Variants in CECR2 observed in about 807,000 individuals in gnomAD.
The protein encoded by CECR2 is chromatin remodeling regulator CECR2.
CECR2 carries 30 observed loss-of-function variants against 154.5 expected under a neutral mutation model. That is an observed-to-expected ratio of 0.19 (90% CI 0.15 to 0.26). CECR2 has a LOEUF of 0.26. Ranked by LOEUF, CECR2 falls within the 10% of genes least tolerant of loss-of-function variation. CECR2 has a pLI of 1.00. For missense variants in CECR2, 1,743 were observed against 1,829.3 expected (o/e 0.95, Z 0.86); for synonymous variants, 725 against 683.7 (o/e 1.06, Z -0.94).
rs559877166 is a variant in CECR2 at position 17,501,216 on chromosome 22, A to G, written c.650+481A>G. Among the ~76,000 whole-genome samples, 3 of 152,310 alleles carry G rather than the reference A, an allele frequency of 2.0e-5. No individual in the cohort carries two copies. The East Asian group carries it at 5.8e-4, about 29-fold the overall frequency. Reference sequence around the variant, plus strand: ...TGAGGCTGTATTCTTAAAAATTCTGATAACTCAGGACAAGTGGCTTCTTCC... The same window carrying G: ...TGAGGCTGTATTCTTAAAAATTCTGGTAACTCAGGACAAGTGGCTTCTTCC... On this transcript the variant is annotated intron_variant, in intron 5 of 18. Transcript: ENST00000262608.
At chr22:17,552,206 C>T (rs754288530) in intron 18 of CECR2, 64 bp downstream of exon 18, 6 of 1,418,758 alleles carry the variant, frequency 4.2e-6, no homozygotes, top group Non-Finnish European at 6.0e-6. Flanking sequence ...AAGTATATGA[C>T]AACCTTGCTG....
intron 7 of CECR2, among the ~76,000 whole-genome samples, chr22:17,510,897 A>ATGTG (rs1601487929): frequency 4.6e-5 from 7 of 151,992 alleles, no homozygotes; most frequent in African/African-American, 1.7e-4. Flanking sequence ...GAGCCACCCC[A>ATGTG]CCCAGCCCGA....
Position 17,540,819 on chromosome 22 carries a change from A to G in CECR2, c.1884+19A>G, listed in dbSNP as rs1387051610. 1.3e-6 allele frequency: 2 copies of G among 1,514,402 alleles called. No homozygotes were observed. The highest frequency in any genetic ancestry group is 4.6e-5 in the East Asian group (2 of 43,394). 93.8% of individuals were successfully genotyped at this position (1,514,402 alleles called of 1,614,324 possible). On this transcript the variant is annotated intron_variant, in intron 14 of 18. Coordinates refer to ENST00000262608, the MANE Select transcript of CECR2 (RefSeq NM_001290047.2). ...CCAGATGGTAAGGAATAGAGTGGAG[A>G]CTGTTGCGGTTTCTCCTAGTTTGTG...
intron 1 of CECR2, among the ~76,000 whole-genome samples, chr22:17,375,381 C>T (rs1382158949): frequency 1.3e-5 from 2 of 152,080 alleles, no homozygotes; most frequent in Non-Finnish European, 2.9e-5. Flanking sequence ...TCCCAAAGTG[C>T]TGGGATTACA....
At chr22:17,510,475 A>G (rs1303002070) in intron 7 of CECR2, among the ~76,000 whole-genome samples, 1 of 152,164 alleles carries the variant, frequency 6.6e-6, no homozygotes, top group African/African-American at 2.4e-5. Flanking sequence ...ATGAAAAAAA[A>G]AAAGAGCTTA....
In CECR2 at chr22:17,405,419, AATAAG is replaced by A. The variant is rs576598412; in HGVS notation, c.126+35525_126+35529del. ...GAGAGCGAAACTCCGTCTCAAATAA[AATAAG>A]ATAAGATAAGATAAAATAAGATAAA... On this transcript the variant is annotated intron_variant, in intron 1 of 18. Transcript: ENST00000262608. Among the ~76,000 whole-genome samples the A allele has an allele frequency of 9.6e-4, 145 of 151,494 alleles. 1 individual carries two copies. Among genetic ancestry groups the A allele is most frequent in the South Asian group, 3.1e-3 (15 of 4,814 alleles).
intron 1 of CECR2, among the ~76,000 whole-genome samples, chr22:17,428,826 G>GTGTGTGTGTGTGTGTGTATA (rs369291932): frequency 1.3e-4 from 20 of 150,592 alleles, no homozygotes; most frequent in Admixed American, 6.0e-4. Context: ...GTGTGTGTGT[G>GTGTGTGTGTGTGTGTGTATA]TATATAAAGG....
intron 3 of CECR2, among the ~76,000 whole-genome samples, chr22:17,499,207 T>C (rs1221377377): frequency 2.0e-5 from 3 of 152,112 alleles, no homozygotes; most frequent in African/African-American, 4.8e-5. Flanking sequence ...GCCAGGCTGG[T>C]CTTGAACTCC....
intron 2 of CECR2, among the ~76,000 whole-genome samples, chr22:17,490,167 G>A (rs1327591271): frequency 1.3e-5 from 2 of 151,350 alleles, no homozygotes; most frequent in Non-Finnish European, 2.9e-5. Flanking sequence ...GTGTGTGTGT[G>A]TTTGGTCTAT....
intron 16 of CECR2, among the ~76,000 whole-genome samples, chr22:17,544,809 CAAAAAAAAAAAAA>C (rs67994839): frequency 1.8e-4 from 8 of 45,620 alleles, no homozygotes; most frequent in African/African-American, 2.6e-4. Flanking sequence ...GACTCTGTCT[CAAAAAAAAAAAAA>C]AAAAAAAAAA....
intron 8 of CECR2, among the ~76,000 whole-genome samples, chr22:17,523,247 G>A (rs550691095): frequency 6.6e-6 from 1 of 152,048 alleles, no homozygotes; most frequent in South Asian, 2.1e-4. Context: ...GCTGGGCGTG[G>A]TCGCAGGTAC....
Position 17,548,835 on chromosome 22 carries a change from G to A in CECR2, c.3548G>A (p.Arg1183Lys), listed in dbSNP as rs2056657995. The A allele has an allele frequency of 6.2e-7, 1 of 1,613,526 alleles. No individual in the cohort carries two copies. The highest frequency in any genetic ancestry group is 1.7e-5 in the Admixed American group (1 of 59,962). ...CGGTATCGCCCCCCACAAGGAATGAGGTATTCCTACCACCCACCGCCACAG... is the reference window on the plus strand; with the variant it reads ...CGGTATCGCCCCCCACAAGGAATGAAGTATTCCTACCACCCACCGCCACAG... ...FPRYRPPQGM[R>K]YSYHPPPQPS... The change falls in exon 17 of 19, where the codon AGG (arginine) becomes AAG (lysine). Residue 1183 changes from arginine to lysine, a missense_variant. Physicochemically the swap from Arg to Lys is conservative, Grantham distance 26. Transcript: ENST00000262608.
At position 17,548,545 on chromosome 22, in the gene CECR2, G is replaced by A. The variant is rs781677482; in HGVS notation, c.3258G>A (p.Thr1086=). 30 of 1,613,660 alleles carry A rather than the reference G, an allele frequency of 1.9e-5. No individual in the cohort carries two copies. The highest frequency in any genetic ancestry group is 1.6e-4 in the South Asian group (15 of 91,042). ...SEKLLCPRGR[T]LQETMPCTGQ... is the part of the protein sequence containing the mutation. Reference sequence around the variant, plus strand: ...AGCTGCTCTGCCCCAGAGGCAGAACGTTGCAGGAAACCATGCCATGCACGG... The same window carrying A: ...AGCTGCTCTGCCCCAGAGGCAGAACATTGCAGGAAACCATGCCATGCACGG... The change falls in exon 17 of 19, where the codon ACG becomes ACA. Residue 1086 remains threonine, a synonymous_variant. Coordinates refer to ENST00000262608, the MANE Select transcript of CECR2 (RefSeq NM_001290047.2).
intron 1 of CECR2, among the ~76,000 whole-genome samples, chr22:17,415,080 G>A (rs147755703): frequency 6.4e-4 from 98 of 152,274 alleles, no homozygotes; most frequent in African/African-American, 1.9e-3. Context: ...GAAGCCATTC[G>A]TGTTGGTGCC....
At chr22:17,370,321 G>GA (rs1430698604) in intron 1 of CECR2, among the ~76,000 whole-genome samples, 7 of 145,670 alleles carry the variant, frequency 4.8e-5, no homozygotes, top group African/African-American at 1.7e-4. Context: ...GCCGGGCGCG[G>GA]GGGGGGGGCC....
intron 7 of CECR2, among the ~76,000 whole-genome samples, chr22:17,510,670 C>T (rs1057183889): frequency 7.9e-5 from 12 of 152,114 alleles, no homozygotes; most frequent in Non-Finnish European, 1.0e-4. Context: ...GGCATGATGT[C>T]GGCTCACTGC....
In CECR2 at chr22:17,523,139, G is replaced by A. The variant is rs916005570; in HGVS notation, c.955-979G>A. Among the ~76,000 whole-genome samples, 21 of 152,044 alleles carry A rather than the reference G, an allele frequency of 1.4e-4. No individual in the cohort carries two copies. The South Asian group carries it at 2.5e-3, about 18-fold the overall frequency. The stretch of plus-strand genomic sequence containing the variant: ...TCTATCTCCCAGGTTGGAGTATTAC[G>A]CCTGTAATCTCAGCACTTTGGGAGG... On this transcript the variant is annotated intron_variant, in intron 8 of 18. Transcript: ENST00000262608.
Position 17,549,517 on chromosome 22 carries a change from T to G in CECR2, c.4230T>G (p.Thr1410=), listed in dbSNP as rs747919461. Residue 1410 remains threonine (T), a synonymous_variant, in exon 17 of 19, where the codon ACT becomes ACG. Coordinates refer to ENST00000262608, the MANE Select transcript of CECR2 (RefSeq NM_001290047.2). ...CTGTGATGATGGAACAAATTGGCACTAGAAGTGGAATAAGAGGACCTTTCC... is the reference window on the plus strand; with the variant it reads ...CTGTGATGATGGAACAAATTGGCACGAGAAGTGGAATAAGAGGACCTTTCC... ...FQAVMMEQIG[T]RSGIRGPFQE... is the part of the protein sequence containing the mutation. 6.2e-7 allele frequency: 1 copy of G among 1,605,940 alleles called. No homozygotes were observed. Among genetic ancestry groups the G allele is most frequent in the Admixed American group, 1.7e-5 (1 of 58,490 alleles).
intron 1 of CECR2, among the ~76,000 whole-genome samples, chr22:17,441,949 G>A (rs573408477): frequency 3.3e-5 from 5 of 152,304 alleles, no homozygotes; most frequent in Middle Eastern, 3.4e-3. Flanking sequence ...TCTCTCACAA[G>A]GAAAGGATTT....
Sources: gnomAD v4.1 joint callset for allele counts (sites outside exome capture counted in the v4.1 genomes callset) on GRCh38, gnomAD v4.1.1 for gene constraint, MANE v1.5 for transcripts, NCBI Gene and HGNC (gene_info 2026-07-23, HGNC 2026-07-21) for gene names.